The following SCNN1B variants were observed in gnomAD, a reference collection of about 807,000 sequenced individuals.
SCNN1B encodes the protein epithelial sodium channel subunit beta.
In SCNN1B, 46 loss-of-function variants were observed where a neutral mutation model predicts 65.3. That is an observed-to-expected ratio of 0.70 (90% CI 0.56 to 0.90). The LOEUF (loss-of-function observed/expected upper bound fraction) is 0.90, where lower values mean the gene tolerates loss of function less well. Among genes scored for constraint, SCNN1B ranks in the 40% least tolerant of loss-of-function variants. The pLI, the probability that SCNN1B is intolerant of heterozygous loss-of-function variation, is 0.00. For synonymous variants in SCNN1B, 349 were observed against 330.6 expected, an observed-to-expected ratio of 1.06 and a Z score of -0.60; for missense variants, 751 against 830.5, an observed-to-expected ratio of 0.90 and a Z score of 1.18.
At chr16:23,349,669 G>A (rs1377345188) in intron 2 of SCNN1B, among the ~76,000 whole-genome samples, 5 of 152,130 alleles carry the variant, frequency 3.3e-5, no homozygotes, top group African/African-American at 1.2e-4. Flanking sequence ...TATGTGCCAG[G>A]CACTGTCCTA....
chr16:23,365,454 GGAGAAA>G (rs1962630604), intron 4 of SCNN1B, among the ~76,000 whole-genome samples: 1 of 125,324 alleles, frequency 8.0e-6, no homozygotes, highest in Non-Finnish European at 1.7e-5. Context: ...AGAAAGAGAA[GGAGAAA>G]GAGAAAGAAA....
At chr16:23,282,013 G>A (rs999138776) in intron 1 of SCNN1B, among the ~76,000 whole-genome samples, 7 of 152,210 alleles carry the variant, frequency 4.6e-5, no homozygotes, top group South Asian at 2.1e-4. Context: ...GCAACATGGG[G>A]AAACTCCGTC....
chr16:23,371,411 T>C lies in SCNN1B; in HGVS notation c.993T>C (p.Asp331=), dbSNP rs772981851. 4 of 1,614,054 alleles carry C rather than the reference T, an allele frequency of 2.5e-6. No individual in the cohort carries two copies. Among genetic ancestry groups the C allele is most frequent in the Non-Finnish European group, 3.4e-6 (4 of 1,179,990 alleles). Residue 331 remains aspartate, a synonymous_variant, in exon 6 of 13, where the codon GAT becomes GAC. Transcript: ENST00000343070. The part of the protein sequence containing the change: ...HEQRSYPFIR[D]EGIYAMSGTE... ...AGAGGTCATACCCCTTCATCAGAGA[T>C]GAGGGCATCTACGCCATGTCGGGGA...
chr16:23,281,769 A>T (rs1567283216), intron 1 of SCNN1B, among the ~76,000 whole-genome samples: 5 of 152,206 alleles, frequency 3.3e-5, no homozygotes, highest in Admixed American at 2.6e-4. Flanking sequence ...TAACTGCTGT[A>T]TGGACTGTAT....
chr16:23,352,088 A>C (rs576744607), intron 2 of SCNN1B, among the ~76,000 whole-genome samples: 1 of 152,246 alleles, frequency 6.6e-6, no homozygotes, highest in Non-Finnish European at 1.5e-5. Flanking sequence ...ATGGTAAGCT[A>C]TCAATAACCA....
At chr16:23,322,148 C>A (rs1321917641) in intron 1 of SCNN1B, among the ~76,000 whole-genome samples, 4 of 152,116 alleles carry the variant, frequency 2.6e-5, no homozygotes, top group East Asian at 1.9e-4. Context: ...TTGTTTTATG[C>A]CTGAAAAGAA....
Position 23,371,537 on chromosome 16 carries a change from G to A in SCNN1B, c.1044+75G>A, listed in dbSNP as rs562409518. The A allele has an allele frequency of 2.0e-5, 30 of 1,469,636 alleles. No homozygotes were observed. The African/African-American group carries it at 3.8e-4, about 18-fold the overall frequency. 91.0% of individuals were successfully genotyped at this position (1,469,636 alleles called of 1,614,324 possible). A position where few individuals can be genotyped will look rare whatever the true frequency, so the allele number is the denominator to read the frequency against. Reference sequence around the variant, plus strand: ...CACCTGTCCAGGGCCAACTGCCCTTGGCCTGGGAGGAGGGGATCTGGGCCC... The same window carrying A: ...CACCTGTCCAGGGCCAACTGCCCTTAGCCTGGGAGGAGGGGATCTGGGCCC... On this transcript the variant is annotated intron_variant, in intron 6 of 12. Coordinates refer to ENST00000343070, the MANE Select transcript of SCNN1B (RefSeq NM_000336.3).
upstream of SCNN1B, among the ~76,000 whole-genome samples, chr16:23,299,038 T>C (rs1216357585): frequency 6.6e-6 from 1 of 151,930 alleles, no homozygotes; most frequent in Non-Finnish European, 1.5e-5. Flanking sequence ...TTCTTTTTTT[T>C]GCTTTTTGCT....
chr16:23,329,436 T>G (rs1961765796), intron 1 of SCNN1B, among the ~76,000 whole-genome samples: 1 of 152,212 alleles, frequency 6.6e-6, no homozygotes, highest in African/African-American at 2.4e-5. Flanking sequence ...AAACGCTAGT[T>G]TTCCTTTTGT....
intron 1 of SCNN1B, among the ~76,000 whole-genome samples, chr16:23,326,482 T>A (rs1198647773): frequency 6.6e-6 from 1 of 152,180 alleles, no homozygotes; most frequent in East Asian, 1.9e-4. Context: ...TTGTTTGTTT[T>A]GAGACAGAGT....
intron 4 of SCNN1B, among the ~76,000 whole-genome samples, chr16:23,357,275 C>T (rs1962439656): frequency 6.6e-6 from 1 of 152,240 alleles, no homozygotes; most frequent in African/African-American, 2.4e-5. Flanking sequence ...GCTCTGGGGC[C>T]TCTGTCCCCT....
intron 4 of SCNN1B, among the ~76,000 whole-genome samples, chr16:23,358,874 T>A (rs1962475265): frequency 6.6e-6 from 1 of 152,204 alleles, no homozygotes; most frequent in South Asian, 2.1e-4. Flanking sequence ...GCCACTGCAC[T>A]CCCGCCTGGG....
intron 2 of SCNN1B, among the ~76,000 whole-genome samples, chr16:23,287,520 T>C (rs935695357): frequency 6.6e-6 from 1 of 152,050 alleles, no homozygotes; most frequent in African/African-American, 2.4e-5. Flanking sequence ...AAGACCAGCC[T>C]GGGCAATAGA....
intron 1 of SCNN1B, among the ~76,000 whole-genome samples, chr16:23,281,718 GA>G (rs1347670672): frequency 6.6e-6 from 1 of 152,208 alleles, no homozygotes; most frequent in Non-Finnish European, 1.5e-5. Context: ...CACAAGACTT[GA>G]AAATCAGACA....
intron 1 of SCNN1B, among the ~76,000 whole-genome samples, chr16:23,302,684 G>T (rs1367247291): frequency 6.6e-6 from 1 of 152,128 alleles, no homozygotes; most frequent in African/African-American, 2.4e-5. Flanking sequence ...ACGGGGCCAG[G>T]GTCCCCGGCG....
At chr16:23,346,204 T>C (rs1279179213) in intron 1 of SCNN1B, among the ~76,000 whole-genome samples, 1 of 62,666 alleles carries the variant, frequency 1.6e-5, no homozygotes, top group African/African-American at 6.4e-5. Context: ...CCTTTTCTTT[T>C]TTTTTTTTTT....
At chr16:23,287,480 G>C in intron 2 of SCNN1B, among the ~76,000 whole-genome samples, 1 of 152,098 alleles carries the variant, frequency 6.6e-6, no homozygotes, top group East Asian at 1.9e-4. Context: ...GGGAGGCTGA[G>C]GTGGGGGGAT....
upstream of SCNN1B, among the ~76,000 whole-genome samples, chr16:23,301,640 A>T (rs1307171854): frequency 6.6e-6 from 1 of 152,134 alleles, no homozygotes; most frequent in Non-Finnish European, 1.5e-5. Flanking sequence ...AGATTCGAGG[A>T]AATGCGCAAG....
chr16:23,355,515 G>T, intron 4 of SCNN1B, 26 bp downstream of exon 4: 2 of 1,611,482 alleles, frequency 1.2e-6, no homozygotes, highest in South Asian at 2.2e-5. Context: ...AGCCCACCCG[G>T]CCAGGCCCTG....
Sources: allele counts gnomAD v4.1 joint callset (sites outside exome capture counted in the v4.1 genomes callset), GRCh38; gene constraint gnomAD v4.1.1; transcripts MANE v1.5; gene names NCBI Gene and HGNC (gene_info 2026-07-23, HGNC 2026-07-21).